Variants in ADGRV1 observed in about 807,000 individuals in gnomAD.
ADGRV1 encodes adhesion G protein-coupled receptor V1.
A neutral mutation model predicts 596.2 loss-of-function variants in ADGRV1; 359 were observed. The observed-to-expected ratio is 0.60, with a 90% CI of 0.55 to 0.66. The LOEUF (loss-of-function observed/expected upper bound fraction) is 0.66. Ranked by LOEUF, ADGRV1 falls within the 30% of genes least tolerant of loss-of-function variation. The pLI is 0.00. For missense variants in ADGRV1, 7,274 were observed against 7,575.6 expected, an observed-to-expected ratio of 0.96 and a Z score of 1.48; for synonymous variants, 2,681 against 2,679.2, an observed-to-expected ratio of 1.00 and a Z score of -0.02.
intron 34 of ADGRV1, among the ~76,000 whole-genome samples, chr5:90,699,963 C>A (rs1747688112): frequency 6.6e-6 from 1 of 151,986 alleles, no homozygotes; most frequent in Non-Finnish European, 1.5e-5. Context: ...ATGAGTGCTC[C>A]CTAGATTTTT....
At chr5:90,870,570 G>A (rs1768565092) in intron 83 of ADGRV1, among the ~76,000 whole-genome samples, 1 of 152,200 alleles carries the variant, frequency 6.6e-6, no homozygotes, top group African/African-American at 2.4e-5. Context: ...CAAGAACAAG[G>A]TCCCTGGAAA....
chr5:90,944,139 C>G (rs1005728941), intron 83 of ADGRV1, among the ~76,000 whole-genome samples: 2 of 152,062 alleles, frequency 1.3e-5, no homozygotes, highest in Non-Finnish European at 1.5e-5. Context: ...ATTTTTGATA[C>G]CTAAAAGCTA....
At chr5:90,605,329 C>T (rs923790774) in intron 1 of ADGRV1, among the ~76,000 whole-genome samples, 1 of 151,250 alleles carries the variant, frequency 6.6e-6, no homozygotes, top group Non-Finnish European at 1.5e-5. Flanking sequence ...GCAGGAGAAT[C>T]GCTTGAACCC....
rs369651131 is a variant in ADGRV1 at position 90,975,343 on chromosome 5, G to A, written c.17973+9812G>A. On this transcript the variant is annotated intron_variant, in intron 84 of 89. Coordinates refer to ENST00000405460, the MANE Select transcript of ADGRV1 (RefSeq NM_032119.4). Reference sequence around the variant, plus strand: ...AAATACCATTTGACCCAGCCATCCCGTTACTGGGTATATACCCAAAGGATT... The same window carrying A: ...AAATACCATTTGACCCAGCCATCCCATTACTGGGTATATACCCAAAGGATT... 1.1e-3 allele frequency among the ~76,000 whole-genome samples: 168 copies of A among 152,176 alleles called. 4 individuals are homozygous for A. The East Asian group carries it at 0.016, about 15-fold the overall frequency.
rs566829756 is a variant in ADGRV1 at position 90,673,718 on chromosome 5, TCATCA to T, written c.4930-334_4930-330del. On this transcript the variant is annotated intron_variant, in intron 22 of 89. Transcript: ENST00000405460. The stretch of plus-strand genomic sequence containing the variant: ...TCATGAGGGCTCTATCCTCAAGCCC[TCATCA>T]CCTCCTGAAAACCCCATCTTTTAAT... 9.7e-4 allele frequency among the ~76,000 whole-genome samples: 148 copies of T among 152,240 alleles called. 1 individual carries two copies. The highest frequency in any genetic ancestry group is 1.7e-3 in the Non-Finnish European group (117 of 68,010).
At chr5:90,680,334 G>A (rs1325102760) in intron 26 of ADGRV1, among the ~76,000 whole-genome samples, 1 of 150,732 alleles carries the variant, frequency 6.6e-6, no homozygotes, top group Non-Finnish European at 1.5e-5. Context: ...CAGACTGGGT[G>A]ACAGAGCAAG....
intron 83 of ADGRV1, among the ~76,000 whole-genome samples, chr5:90,927,310 G>A (rs1332373584): frequency 1.3e-5 from 2 of 151,176 alleles, no homozygotes; most frequent in Admixed American, 6.6e-5. Context: ...TTATGAATCT[G>A]GGTGCTCCTG....
At chr5:90,828,279 TATTTA>T (rs1399549745) in intron 76 of ADGRV1, among the ~76,000 whole-genome samples, 1 of 152,078 alleles carries the variant, frequency 6.6e-6, no homozygotes, top group Non-Finnish European at 1.5e-5. Flanking sequence ...TGATTATATT[TATTTA>T]AAACACTTTA....
At chr5:91,034,440 T>C (rs1160954687) in intron 85 of ADGRV1, among the ~76,000 whole-genome samples, 2 of 152,200 alleles carry the variant, frequency 1.3e-5, no homozygotes, top group Non-Finnish European at 2.9e-5. Flanking sequence ...TAATTCTGTT[T>C]TATTTTAGAA....
chr5:90,703,484 G>A (rs937787006), intron 34 of ADGRV1, among the ~76,000 whole-genome samples, 181 bp from the exon 35 acceptor site: 1 of 152,082 alleles, frequency 6.6e-6, no homozygotes, highest in Non-Finnish European at 1.5e-5. Context: ...GTATTTAGAA[G>A]TGGGGATAAT....
Position 90,694,338 on chromosome 5 carries a change from C to T in ADGRV1, c.7582C>T (p.Pro2528Ser), listed in dbSNP as rs201733037. ...EFANLTVSIL[P>S]DDFPEMDESF... ...CGCAAATCTCACAGTGTCTATTCTTCCTGATGATTTCCCAGAGATGGATGA... is the reference window on the plus strand; with the variant it reads ...CGCAAATCTCACAGTGTCTATTCTTTCTGATGATTTCCCAGAGATGGATGA... The change falls in exon 33 of 90, where the codon CCT becomes TCT. Residue 2528 changes from proline (P) to serine (S), a missense_variant. Transcript: ENST00000405460. The T allele has an allele frequency of 3.6e-3, 5,789 of 1,613,972 alleles. 27 individuals carry two copies. Among genetic ancestry groups the T allele is most frequent in the South Asian group, 0.016 (1,423 of 91,090 alleles).
At chr5:91,077,309 A>G (rs755400945) in intron 86 of ADGRV1, among the ~76,000 whole-genome samples, 1 of 152,180 alleles carries the variant, frequency 6.6e-6, no homozygotes, top group Non-Finnish European at 1.5e-5. Context: ...AAAATCTTCC[A>G]TGATTTCTGT....
chr5:90,678,486 A>G (rs1004912253), intron 25 of ADGRV1, among the ~76,000 whole-genome samples: 4 of 151,000 alleles, frequency 2.6e-5, no homozygotes, highest in Non-Finnish European at 4.4e-5. Context: ...TTTGATCTTT[A>G]TAACTCTTAG....
In ADGRV1 at chr5:90,840,588, G is replaced by A. The variant is rs1168366157; in HGVS notation, c.16622G>A (p.Ser5541Asn). The change falls in exon 78 of 90, where the codon AGT becomes AAT. Residue 5541 changes from serine to asparagine, a missense_variant. By Grantham distance (46) the Ser-to-Asn change is conservative. Transcript: ENST00000405460. ...TTGTTTAATTTCTAGGAGTTGAGGA[G>A]TGCTGAAACAATTGGTCGTACCATC... Reference protein sequence around the residue: ...SVNFSTQELRSAETIGRTIIS... With the variant: ...SVNFSTQELRNAETIGRTIIS... 17 of 1,602,546 alleles carry A rather than the reference G, an allele frequency of 1.1e-5. No homozygotes were observed. Among genetic ancestry groups the A allele is most frequent in the African/African-American group, 6.7e-5 (5 of 74,624 alleles).
chr5:90,719,626 T>C (rs2149764098), intron 43 of ADGRV1, among the ~76,000 whole-genome samples: 1 of 152,214 alleles, frequency 6.6e-6, no homozygotes, highest in East Asian at 1.9e-4. Context: ...CCACTATTGG[T>C]TTGTCTGTTC....
chr5:91,110,868 T>C (rs1792304627), intron 87 of ADGRV1, among the ~76,000 whole-genome samples: 1 of 150,032 alleles, frequency 6.7e-6, no homozygotes, highest in Non-Finnish European at 1.5e-5. Flanking sequence ...TCCAGAGTAC[T>C]GTTTGACTGT....
intron 87 of ADGRV1, among the ~76,000 whole-genome samples, chr5:91,122,987 T>C (rs1377171045): frequency 6.6e-6 from 1 of 152,164 alleles, no homozygotes; most frequent in Non-Finnish European, 1.5e-5. Flanking sequence ...CATACAAAAA[T>C]CAATTTCCCC....
At chr5:91,137,487 G>A (rs372110533) in intron 87 of ADGRV1, among the ~76,000 whole-genome samples, 2 of 152,280 alleles carry the variant, frequency 1.3e-5, no homozygotes, top group South Asian at 2.1e-4. Context: ...TTAACTGAGT[G>A]TAGCTCTATG....
At chr5:91,033,783 A>G (rs1784658736) in intron 85 of ADGRV1, among the ~76,000 whole-genome samples, 1 of 152,138 alleles carries the variant, frequency 6.6e-6, no homozygotes, top group East Asian at 1.9e-4. Flanking sequence ...TCCAAATTGT[A>G]TTATTCTTAT....
Sources: allele counts gnomAD v4.1 joint callset (sites outside exome capture counted in the v4.1 genomes callset), GRCh38; gene constraint gnomAD v4.1.1; transcripts MANE v1.5; gene names NCBI Gene and HGNC (gene_info 2026-07-23, HGNC 2026-07-21).